TMEM181: variants seen among roughly 807,000 people sequenced by gnomAD.
TMEM181 encodes the protein G protein-coupled receptor 178.
A neutral mutation model predicts 71.9 loss-of-function variants in TMEM181; 39 were observed. The observed-to-expected ratio is 0.54, with a 90% CI of 0.42 to 0.71. TMEM181 has a LOEUF of 0.71. TMEM181 is among the 30% of genes least tolerant of loss of function. The pLI, the probability that TMEM181 is intolerant of heterozygous loss-of-function variation, is 0.00. For synonymous variants in TMEM181, 245 were observed against 228.8 expected (o/e 1.07, Z -0.64); for missense variants, 595 against 583.0 (o/e 1.02, Z -0.21).
chr6:158,614,621 T>A (rs1208415944), intron 10 of TMEM181, among the ~76,000 whole-genome samples: 3 of 152,204 alleles, frequency 2.0e-5, no homozygotes, highest in African/African-American at 7.2e-5. Flanking sequence ...TATCTCCTAA[T>A]GCTGTCCCTC....
At chr6:158,616,805 T>G (rs1785642357) in intron 10 of TMEM181, among the ~76,000 whole-genome samples, 1 of 152,238 alleles carries the variant, frequency 6.6e-6, no homozygotes, top group South Asian at 2.1e-4. Flanking sequence ...TTGTATATGT[T>G]GAACCAGCCT....
chr6:158,589,410 A>G (rs766217816), intron 5 of TMEM181, among the ~76,000 whole-genome samples: 1 of 152,210 alleles, frequency 6.6e-6, no homozygotes, highest in South Asian at 2.1e-4. Flanking sequence ...ACTTTCTTAC[A>G]CGGTGACTTA....
chr6:158,608,689 C>G lies in TMEM181; in HGVS notation c.835C>G (p.Pro279Ala). The G allele has an allele frequency of 1.2e-6, 2 of 1,611,966 alleles. No homozygotes were observed. The highest frequency in any genetic ancestry group is 1.1e-5 in the South Asian group (1 of 90,226). ...GERKCLTFYL[P>A]KFFIVGLLWL... ...AAGAAAGTGTTTAACTTTCTATTTG[C>G]CTAAATTCTTCATTGTTGGACTATT... The change falls in exon 10 of 17, where the codon CCT (proline) becomes GCT (alanine). Residue 279 changes from proline (P) to alanine (A), a missense_variant. Transcript: ENST00000684151.
intron 14 of TMEM181, 86 bp from the exon 15 acceptor site, chr6:158,629,644 C>A: frequency 5.9e-6 from 7 of 1,180,696 alleles, no homozygotes; most frequent in Non-Finnish European, 8.4e-6. Flanking sequence ...GAAGGGGCTG[C>A]TGATGGCGGG....
chr6:158,542,177 G>C (rs554211035), intron 1 of TMEM181, among the ~76,000 whole-genome samples: 12 of 152,186 alleles, frequency 7.9e-5, no homozygotes, highest in Admixed American at 7.8e-4. Flanking sequence ...AAATTGCAGG[G>C]ATTACAAGTG....
Position 158,633,894 on chromosome 6 carries a change from G to T in TMEM181, c.*2006G>T, listed in dbSNP as rs1006723225. 6.6e-6 allele frequency: 1 copy of T among 152,130 alleles called. No homozygotes were observed. The highest frequency in any genetic ancestry group is 1.5e-5 in the Non-Finnish European group (1 of 68,022). 9.4% of individuals were successfully genotyped at this position (152,130 alleles called of 1,614,324 possible). On this transcript the variant is annotated 3_prime_UTR_variant, in exon 17 of 17. Transcript: ENST00000684151. ...CTATAACTTTATGTAAACTGATGAA[G>T]ATGTGCTGATTAACATATTCTGTGA...
At position 158,588,940 on chromosome 6, in the gene TMEM181, T is replaced by A. The variant is rs545471223; in HGVS notation, c.382-732T>A. 2.0e-5 allele frequency among the ~76,000 whole-genome samples: 3 copies of A among 152,294 alleles called. No individual in the cohort carries two copies. In the South Asian group the frequency reaches 6.2e-4, roughly 32 times the overall value. On this transcript the variant is annotated intron_variant, in intron 5 of 16. Coordinates refer to ENST00000684151, the MANE Select transcript of TMEM181 (RefSeq NM_001376852.1). ...AAGGCAGGGCCGGGGCAGAGCTTGC[T>A]GGGGAGGAGTGGCTGGCTCTGTGTG...
At chr6:158,580,048 G>A (rs757176047) in intron 2 of TMEM181, among the ~76,000 whole-genome samples, 5 of 151,900 alleles carry the variant, frequency 3.3e-5, no homozygotes, top group Non-Finnish European at 5.9e-5. Flanking sequence ...TGGTTAAGAC[G>A]GGCATGGCGC....
chr6:158,613,536 C>CAG (rs35160578), intron 10 of TMEM181, among the ~76,000 whole-genome samples: 97,813 of 151,780 alleles, frequency 0.64, 32,321 homozygotes, highest in African/African-American at 0.79. Flanking sequence ...CCTGGCCTGT[C>CAG]AAAGTGACAT....
At chr6:158,549,030 A>T (rs1455822481) in intron 1 of TMEM181, among the ~76,000 whole-genome samples, 4 of 152,000 alleles carry the variant, frequency 2.6e-5, no homozygotes, top group Non-Finnish European at 4.4e-5. Context: ...AAATTCCAGA[A>T]ACCAGCAGGG....
At chr6:158,625,316 C>T in intron 12 of TMEM181, 110 bp downstream of exon 12, 1 of 922,402 alleles carries the variant, frequency 1.1e-6, no homozygotes, top group Non-Finnish European at 1.7e-6. Context: ...GGCCCAGGGA[C>T]TGGTCCATTC....
chr6:158,608,791 G>A, intron 10 of TMEM181, 41 bp downstream of exon 10: 5 of 1,587,464 alleles, frequency 3.1e-6, no homozygotes, highest in Non-Finnish European at 4.3e-6. Flanking sequence ...GTCATGAAAA[G>A]CATTTGACAA....
chr6:158,585,271 T>G, intron 4 of TMEM181, 33 bp from the exon 5 acceptor site: 5 of 1,556,852 alleles, frequency 3.2e-6, no homozygotes, highest in Non-Finnish European at 4.3e-6. Context: ...GTGCCTGGCA[T>G]GGTCTCTAAC....
chr6:158,628,324 A>AATGG (rs1786453595), intron 13 of TMEM181, 84 bp from the exon 14 acceptor site: 1 of 1,303,622 alleles, frequency 7.7e-7, no homozygotes, highest in South Asian at 1.2e-5. Flanking sequence ...GGAAAGCTTG[A>AATGG]ATGGGGTGAA....
At chr6:158,582,559 G>A (rs1783539461) in intron 3 of TMEM181, among the ~76,000 whole-genome samples, 1 of 152,100 alleles carries the variant, frequency 6.6e-6, no homozygotes, top group African/African-American at 2.4e-5. Context: ...CAGCTACTTG[G>A]GAGGCTGAGG....
At chr6:158,625,669 T>C in intron 12 of TMEM181, 34 bp from the exon 13 acceptor site, 2 of 1,570,616 alleles carry the variant, frequency 1.3e-6, no homozygotes, top group Non-Finnish European at 1.7e-6. Flanking sequence ...GGAATTTACT[T>C]CCAGAGTTGT....
rs534055043 is a variant in TMEM181, at chr6:158,573,065, A to C, written c.9-355A>C. ...GTGTGTATGTATGTGTGTGCATGAG[A>C]TGAGTAGTGGGATCTGGCCACTGCC... is the stretch of plus-strand genomic sequence containing the variant. On this transcript the variant is annotated intron_variant, in intron 1 of 16. Coordinates refer to ENST00000684151, the MANE Select transcript of TMEM181 (RefSeq NM_001376852.1). Among the ~76,000 whole-genome samples, 4 of 152,094 alleles carry C rather than the reference A, an allele frequency of 2.6e-5. No individual in the cohort carries two copies. The East Asian group carries it at 7.8e-4, about 29-fold the overall frequency.
chr6:158,585,170 T>G, intron 4 of TMEM181, 134 bp from the exon 5 acceptor site: 2 of 874,172 alleles, frequency 2.3e-6, no homozygotes, highest in Non-Finnish European at 3.3e-6. Context: ...GATTTTCAAA[T>G]GTGCTGAGGC....
rs368646310 is a variant in TMEM181 at position 158,621,963 on chromosome 6, C to T, written c.897-1587C>T. Among the ~76,000 whole-genome samples, 331 of 152,310 alleles carry T rather than the reference C, an allele frequency of 2.2e-3. 2 individuals carry two copies. The highest frequency in any genetic ancestry group is 7.5e-3 in the African/African-American group (312 of 41,558). ...GGGCTCCCGCAGCTCGCCCACCTGC[C>T]CTGGGCTGGAAGGGGCCCAAGCGCC... On this transcript the variant is annotated intron_variant, in intron 10 of 16. Coordinates refer to ENST00000684151, the MANE Select transcript of TMEM181 (RefSeq NM_001376852.1).
Sources: allele counts gnomAD v4.1 joint callset (sites outside exome capture counted in the v4.1 genomes callset), GRCh38; gene constraint gnomAD v4.1.1; transcripts MANE v1.5; gene names NCBI Gene and HGNC (gene_info 2026-07-23, HGNC 2026-07-21).